Variants in MGAT4C observed in about 807,000 individuals in gnomAD.
The protein encoded by MGAT4C is MGAT4 family member C, also known as alpha-1,3-mannosyl-glycoprotein 4-beta-N-acetylglucosaminyltransferase C.
MGAT4C carries 19 observed loss-of-function variants against 40.1 expected under a neutral mutation model. The ratio of observed to expected loss-of-function variants is 0.47; its 90% CI spans 0.33 to 0.70. MGAT4C has a LOEUF of 0.70. Ranked by LOEUF, MGAT4C falls within the 30% of genes least tolerant of loss-of-function variation. The pLI, the probability that MGAT4C is intolerant of heterozygous loss-of-function variation, is 0.02. For synonymous variants in MGAT4C, 181 were observed against 187.1 expected (o/e 0.97, Z 0.27); for missense variants, 491 against 563.2 (o/e 0.87, Z 1.30).
intron 1 of MGAT4C, among the ~76,000 whole-genome samples, chr12:86,837,924 G>A (rs1488227270): frequency 1.3e-5 from 2 of 151,998 alleles, no homozygotes; most frequent in Admixed American, 6.6e-5. Flanking sequence ...CCATTTTATC[G>A]GTTCTGTTGA....
At chr12:86,717,568 C>A (rs183371896) in intron 2 of MGAT4C, among the ~76,000 whole-genome samples, 1 of 152,078 alleles carries the variant, frequency 6.6e-6, no homozygotes, top group African/African-American at 2.4e-5. Flanking sequence ...ATTTCAAAAG[C>A]CTAAAATGCT....
intron 3 of MGAT4C, among the ~76,000 whole-genome samples, chr12:86,355,963 T>C (rs1171425550): frequency 6.6e-6 from 1 of 152,160 alleles, no homozygotes; most frequent in Non-Finnish European, 1.5e-5. Context: ...GAAATACATA[T>C]GATAGCCACT....
chr12:86,173,730 G>A (rs375344262), intron 1 of MGAT4C, among the ~76,000 whole-genome samples: 40 of 152,048 alleles, frequency 2.6e-4, no homozygotes, highest in African/African-American at 8.9e-4. Flanking sequence ...GATGTGTTAC[G>A]CTGGGATAAA....
intron 1 of MGAT4C, among the ~76,000 whole-genome samples, chr12:86,056,479 C>A (rs1293297223): frequency 6.6e-6 from 1 of 152,110 alleles, no homozygotes; most frequent in Non-Finnish European, 1.5e-5. Context: ...TGAGAACATG[C>A]AGTGTTTGGT....
chr12:86,001,856 C>T (rs1337821676), intron 2 of MGAT4C: 1 of 153,166 alleles, frequency 6.5e-6, no homozygotes, highest in Admixed American at 6.6e-5. Flanking sequence ...ACGGAAACCC[C>T]CTTCTTAAAC....
intron 1 of MGAT4C, among the ~76,000 whole-genome samples, chr12:86,220,534 C>T (rs1056977566): frequency 2.0e-5 from 3 of 152,154 alleles, no homozygotes; most frequent in Non-Finnish European, 4.4e-5. Context: ...TAGCCTTCAA[C>T]CATGCAATGA....
intron 1 of MGAT4C, among the ~76,000 whole-genome samples, chr12:86,153,145 AC>A (rs1489648911): frequency 6.6e-6 from 1 of 152,184 alleles, no homozygotes; most frequent in African/African-American, 2.4e-5. Context: ...CACACTAAAA[AC>A]AAGAATAAAG....
chr12:86,822,256 A>G (rs1348307666), intron 1 of MGAT4C, among the ~76,000 whole-genome samples: 1 of 151,194 alleles, frequency 6.6e-6, no homozygotes, highest in Admixed American at 6.6e-5. Flanking sequence ...AAACAAATCA[A>G]CAAAACACAC....
chr12:86,662,118 A>G (rs1963993249), intron 2 of MGAT4C, among the ~76,000 whole-genome samples: 1 of 152,060 alleles, frequency 6.6e-6, no homozygotes, highest in Non-Finnish European at 1.5e-5. Context: ...AGACATGAAG[A>G]CCCCTACTCC....
chr12:86,075,592 G>T (rs1054008627), intron 1 of MGAT4C, among the ~76,000 whole-genome samples: 3 of 152,202 alleles, frequency 2.0e-5, no homozygotes, highest in Non-Finnish European at 4.4e-5. Flanking sequence ...CAATGCCCTA[G>T]CAGAGATTCT....
intron 4 of MGAT4C, among the ~76,000 whole-genome samples, chr12:86,300,399 A>G (rs1953779786): frequency 6.6e-6 from 1 of 152,172 alleles, no homozygotes; most frequent in South Asian, 2.1e-4. Flanking sequence ...TCATCACTTA[A>G]AGTAAAATAA....
intron 2 of MGAT4C, among the ~76,000 whole-genome samples, chr12:86,470,966 A>G (rs1246477506): frequency 2.6e-5 from 4 of 152,226 alleles, no homozygotes; most frequent in East Asian, 3.9e-4. Context: ...ACCATGGAAC[A>G]GCATCTCAAA....
rs1235323257 is a variant in MGAT4C at position 86,037,482 on chromosome 12, A to G, written c.-7+12192T>C. On this transcript the variant is annotated intron_variant, in intron 2 of 4. Transcript: ENST00000611864. ...TTAAATGTGTCCCAGAGATTCTGGT[A>G]TGTTGTGTCTTTGTTCTCACTGATT... 1.3e-5 allele frequency among the ~76,000 whole-genome samples: 2 copies of G among 150,132 alleles called. 1 individual carries two copies. The highest frequency in any genetic ancestry group is 3.0e-5 in the Non-Finnish European group (2 of 66,984).
chr12:86,047,250 G>A (rs538668315), intron 2 of MGAT4C, among the ~76,000 whole-genome samples: 8 of 152,066 alleles, frequency 5.3e-5, no homozygotes, highest in Non-Finnish European at 1.0e-4. Context: ...TCCGCAAAAT[G>A]TAAAGAATCA....
chr12:86,015,575 A>G (rs966987711), intron 2 of MGAT4C: 1 of 152,278 alleles, frequency 6.6e-6, no homozygotes, highest in Admixed American at 6.5e-5. Context: ...TTGCCACCAC[A>G]GTAAGTCTGG....
intron 1 of MGAT4C, among the ~76,000 whole-genome samples, chr12:86,112,311 T>TC (rs147315791): frequency 6.6e-5 from 10 of 151,294 alleles, no homozygotes; most frequent in South Asian, 2.1e-4. Context: ...GTGGTTTACT[T>TC]CCCCCCCACC....
chr12:86,359,662 C>T (rs1191648560), intron 3 of MGAT4C, among the ~76,000 whole-genome samples: 2 of 152,026 alleles, frequency 1.3e-5, no homozygotes, highest in African/African-American at 4.8e-5. Flanking sequence ...ACCAACAATC[C>T]CACAGAAATA....
chr12:86,594,242 T>A (rs921451841), intron 2 of MGAT4C, among the ~76,000 whole-genome samples: 1 of 152,152 alleles, frequency 6.6e-6, no homozygotes, highest in Admixed American at 6.6e-5. Flanking sequence ...CTTCTCTGAC[T>A]GGGAACTTGA....
chr12:86,444,092 C>T (rs1435266895), intron 2 of MGAT4C, among the ~76,000 whole-genome samples: 1 of 152,158 alleles, frequency 6.6e-6, no homozygotes, highest in African/African-American at 2.4e-5. Flanking sequence ...TGGAAAATAT[C>T]TCAAAATATT....
Sources: allele counts gnomAD v4.1 joint callset (sites outside exome capture counted in the v4.1 genomes callset), GRCh38; gene constraint gnomAD v4.1.1; transcripts MANE v1.5; gene names NCBI Gene and HGNC (gene_info 2026-07-23, HGNC 2026-07-21).